The following EPHA6 variants were observed in gnomAD, a reference collection of about 807,000 sequenced individuals.
EPHA6 encodes EPH receptor A6.
A neutral mutation model predicts 112.0 loss-of-function variants in EPHA6; 50 were observed. The ratio of observed to expected loss-of-function variants is 0.45; its 90% CI spans 0.36 to 0.56. The LOEUF (loss-of-function observed/expected upper bound fraction) is 0.56. EPHA6 is among the 20% of genes least tolerant of loss of function. The pLI is 0.00. For synonymous variants in EPHA6, 529 were observed against 490.7 expected (o/e 1.08, Z -1.03); for missense variants, 1,280 against 1,417.4 (o/e 0.90, Z 1.56).
intron 5 of EPHA6, among the ~76,000 whole-genome samples, chr3:97,348,822 A>G (rs989344796): frequency 1.3e-5 from 2 of 152,184 alleles, no homozygotes; most frequent in African/African-American, 2.4e-5. Context: ...ATGAGTAATC[A>G]TAGGTGTTTT....
At chr3:97,064,577 A>G (rs753831598) in intron 3 of EPHA6, among the ~76,000 whole-genome samples, 3 of 152,298 alleles carry the variant, frequency 2.0e-5, no homozygotes, top group South Asian at 4.1e-4. Flanking sequence ...TAGTATGTCA[A>G]TAATATCCAT....
At chr3:97,305,065 G>A (rs1352388060) in intron 5 of EPHA6, among the ~76,000 whole-genome samples, 1 of 151,878 alleles carries the variant, frequency 6.6e-6, no homozygotes, top group Non-Finnish European at 1.5e-5. Flanking sequence ...TTAAAAGTGG[G>A]CAAAAGACAT....
chr3:97,354,572 A>G (rs1347713406), intron 5 of EPHA6, among the ~76,000 whole-genome samples: 1 of 152,126 alleles, frequency 6.6e-6, no homozygotes, highest in Non-Finnish European at 1.5e-5. Context: ...AGAGGATAAA[A>G]AAGGAAATTT....
intron 14 of EPHA6, among the ~76,000 whole-genome samples, chr3:97,653,372 A>G (rs1007752337): frequency 1.3e-5 from 2 of 152,030 alleles, no homozygotes; most frequent in African/African-American, 4.8e-5. Flanking sequence ...TCAGAAGAAG[A>G]CATACAAATG....
intron 14 of EPHA6, among the ~76,000 whole-genome samples, chr3:97,695,127 C>A (rs1424930394): frequency 6.6e-6 from 1 of 152,132 alleles, no homozygotes; most frequent in Non-Finnish European, 1.5e-5. Flanking sequence ...ATGTTATCAG[C>A]ACTCAGAGAA....
At chr3:96,863,278 G>T (rs555931888) in intron 1 of EPHA6, among the ~76,000 whole-genome samples, 2 of 151,790 alleles carry the variant, frequency 1.3e-5, no homozygotes, top group Admixed American at 1.3e-4. Context: ...AGTTTACAGT[G>T]TTTTTGCTGT....
At chr3:97,680,633 T>C (rs1245919712) in intron 14 of EPHA6, among the ~76,000 whole-genome samples, 1 of 152,230 alleles carries the variant, frequency 6.6e-6, no homozygotes, top group Non-Finnish European at 1.5e-5. Flanking sequence ...TTTACTGTAT[T>C]GTCATGGTTT....
At chr3:97,282,795 A>G (rs1559850233) in intron 5 of EPHA6, among the ~76,000 whole-genome samples, 1 of 152,170 alleles carries the variant, frequency 6.6e-6, no homozygotes, top group Non-Finnish European at 1.5e-5. Context: ...ATGACAACAC[A>G]TGGACACAGG....
intron 1 of EPHA6, among the ~76,000 whole-genome samples, chr3:96,836,296 T>A (rs867743614): frequency 1.3e-5 from 2 of 152,110 alleles, no homozygotes; most frequent in African/African-American, 4.8e-5. Context: ...GCTTAAAAAA[T>A]AATAACCTTT....
chr3:96,954,413 C>T (rs2041674094), intron 2 of EPHA6, among the ~76,000 whole-genome samples: 1 of 152,188 alleles, frequency 6.6e-6, no homozygotes, highest in Non-Finnish European at 1.5e-5. Flanking sequence ...ACACTGAGCC[C>T]TTGTCACACT....
At chr3:96,954,992 G>A (rs1576160179) in intron 2 of EPHA6, among the ~76,000 whole-genome samples, 1 of 151,714 alleles carries the variant, frequency 6.6e-6, no homozygotes, top group East Asian at 1.9e-4. Context: ...TATTTATTAA[G>A]TAAATTATTG....
intron 16 of EPHA6, among the ~76,000 whole-genome samples, chr3:97,743,474 T>C (rs1011166830): frequency 2.0e-5 from 3 of 152,158 alleles, no homozygotes; most frequent in African/African-American, 7.2e-5. Flanking sequence ...TACATACTCA[T>C]GTCTACTAAA....
chr3:96,856,558 T>C (rs2035710950), intron 1 of EPHA6, among the ~76,000 whole-genome samples: 1 of 152,138 alleles, frequency 6.6e-6, no homozygotes, highest in South Asian at 2.1e-4. Flanking sequence ...ATAACATATT[T>C]TGCAAATAGT....
Position 97,492,073 on chromosome 3 carries a change from A to AT in EPHA6, c.2200+8022dup, listed in dbSNP as rs557763931. 4.6e-5 allele frequency among the ~76,000 whole-genome samples: 7 copies of AT among 151,980 alleles called. No individual in the cohort carries two copies. The East Asian group carries it at 5.8e-4, about 13-fold the overall frequency. On this transcript the variant is annotated intron_variant, in intron 10 of 17. Transcript: ENST00000389672. ...TTACAATCTACCACATAGCTGATAG[A>AT]TTTTTTTTAAGTGAATCATTATTTT... is the stretch of plus-strand genomic sequence containing the variant.
At chr3:97,458,274 A>C (rs2090766264) in intron 7 of EPHA6, among the ~76,000 whole-genome samples, 1 of 152,094 alleles carries the variant, frequency 6.6e-6, no homozygotes, top group Admixed American at 6.5e-5. Context: ...AAGATAGGCA[A>C]AGGAGCAGAA....
chr3:96,863,735 A>G (rs1442329039), intron 1 of EPHA6, among the ~76,000 whole-genome samples: 1 of 152,056 alleles, frequency 6.6e-6, no homozygotes, highest in Non-Finnish European at 1.5e-5. Context: ...TATGTTTTAG[A>G]AACAATAATT....
intron 4 of EPHA6, among the ~76,000 whole-genome samples, chr3:97,242,633 T>G (rs1375937239): frequency 6.6e-6 from 1 of 151,858 alleles, no homozygotes; most frequent in Non-Finnish European, 1.5e-5. Context: ...GTAGAGTATC[T>G]GCCACATAGT....
chr3:97,491,458 C>G (rs9839889), intron 10 of EPHA6, among the ~76,000 whole-genome samples: 4 of 151,986 alleles, frequency 2.6e-5, no homozygotes, highest in South Asian at 2.1e-4. Flanking sequence ...CAGGTACAGT[C>G]GGGGGGTCAG....
At chr3:97,742,396 A>G (rs1233484050) in intron 16 of EPHA6, among the ~76,000 whole-genome samples, 1 of 152,122 alleles carries the variant, frequency 6.6e-6, no homozygotes, top group Non-Finnish European at 1.5e-5. Flanking sequence ...GAATTATGGG[A>G]AATTCTTTAT....
Sources: allele counts gnomAD v4.1 joint callset (sites outside exome capture counted in the v4.1 genomes callset), GRCh38; gene constraint gnomAD v4.1.1; transcripts MANE v1.5; gene names NCBI Gene and HGNC (gene_info 2026-07-23, HGNC 2026-07-21).